GTF2F1: variants seen among roughly 807,000 people sequenced by gnomAD.
GTF2F1 encodes the protein general transcription factor IIF 74 kDa subunit.
In GTF2F1, 39 loss-of-function variants were observed where a neutral mutation model predicts 63.5. That is an observed-to-expected ratio of 0.61 (90% CI 0.48 to 0.80). GTF2F1 has a LOEUF of 0.80. Ranked by LOEUF, GTF2F1 falls within the 30% of genes least tolerant of loss-of-function variation. GTF2F1 has a pLI of 0.00. For missense variants in GTF2F1, 657 were observed against 718.3 expected (o/e 0.91, Z 0.97); for synonymous variants, 287 against 285.3 (o/e 1.01, Z -0.06).
At chr19:6,392,112 C>T in intron 2 of GTF2F1, 138 bp from the exon 3 acceptor site, 1 of 677,712 alleles carries the variant, frequency 1.5e-6, no homozygotes, top group Non-Finnish European at 2.7e-6. Flanking sequence ...TACTTTAATT[C>T]AATCACTCAA....
In GTF2F1 at chr19:6,381,235, C is replaced by T. The variant is rs200428042; in HGVS notation, c.1019-40G>A. 1,296 of 1,579,138 alleles carry T rather than the reference C, an allele frequency of 8.2e-4. 6 individuals are homozygous for T. The highest frequency in any genetic ancestry group is 1.9e-3 in the East Asian group (81 of 43,154). On this transcript the variant is annotated intron_variant, in intron 9 of 12. Transcript: ENST00000394456. This position sits in a 1 kb window ranked among gnomAD's most constrained non-coding sequence, Gnocchi z 4.1. ...AAAGGGGTCAGGGCCAGAGCAACCC[C>T]GGGACCCGGTGCCCACTGGTGCCTC...
Position 6,381,351 on chromosome 19 carries a change from C to T in GTF2F1, c.1018+8G>A, listed in dbSNP as rs770949500. On this transcript the variant is annotated splice_region_variant and intron_variant, in intron 9 of 12. Transcript: ENST00000394456. This position sits in a 1 kb window ranked among gnomAD's most constrained non-coding sequence, Gnocchi z 4.1. The stretch of plus-strand genomic sequence containing the variant: ...AAGCCTCCAATATGGGGGCCACATG[C>T]GCCGCACCTTTCCTGCGCTTCTTCT... The T allele has an allele frequency of 4.2e-5, 66 of 1,579,866 alleles. No homozygotes were observed. In the East Asian group the frequency reaches 5.1e-4, roughly 12 times the overall value.
In GTF2F1 at chr19:6,381,784, T is replaced by C. The variant is rs764182606; in HGVS notation, c.749A>G (p.Lys250Arg). The change falls in exon 7 of 13, where the codon AAG becomes AGG. Residue 250 changes from lysine to arginine, a missense_variant. Transcript: ENST00000394456. The surrounding 1 kb of genome is among the most constrained non-coding windows in gnomAD (Gnocchi z 4.1). ...LAKGGRKKKK[K>R]KGSDDEAFED... is the part of the protein sequence containing the mutation. ...GAAGGCCTCGTCGTCTGAACCCTTCTTCTTCTTCTTTTTCCTGCCGCCCTT... is the reference window on the plus strand; with the variant it reads ...GAAGGCCTCGTCGTCTGAACCCTTCCTCTTCTTCTTTTTCCTGCCGCCCTT... 1 of 1,614,094 alleles carries C rather than the reference T, an allele frequency of 6.2e-7. No homozygotes were observed. Among genetic ancestry groups the C allele is most frequent in the African/African-American group, 1.3e-5 (1 of 75,050 alleles).
chr19:6,382,899 G>A (rs1373772519), intron 6 of GTF2F1, among the ~76,000 whole-genome samples: 3 of 151,764 alleles, frequency 2.0e-5, no homozygotes, highest in Non-Finnish European at 4.4e-5. Context: ...GGCCTCGCCT[G>A]ACTCTCATTC....
At position 6,380,897 on chromosome 19, in the gene GTF2F1, C is replaced by G. The variant is rs1025982402; in HGVS notation, c.1231+7G>C. On this transcript the variant is annotated splice_region_variant and intron_variant, in intron 11 of 12. Coordinates refer to ENST00000394456, the MANE Select transcript of GTF2F1 (RefSeq NM_002096.3). This position sits in a 1 kb window ranked among gnomAD's most constrained non-coding sequence, Gnocchi z 5.3. ...CTGTGGGGAGCGGGGAGGCCACGGG[C>G]ACTCACCTTGCTCGAGTTTGCTGGC... is the stretch of plus-strand genomic sequence containing the variant. 2 of 1,551,388 alleles carry G rather than the reference C, an allele frequency of 1.3e-6. No individual in the cohort carries two copies. The highest frequency in any genetic ancestry group is 3.8e-5 in the Admixed American group (2 of 53,182).
In GTF2F1 at chr19:6,380,303, A is replaced by G. The variant is rs775638504; in HGVS notation, c.1532T>C (p.Met511Thr). 1 of 1,614,080 alleles carries G rather than the reference A, an allele frequency of 6.2e-7. No individual in the cohort carries two copies. Among genetic ancestry groups the G allele is most frequent in the East Asian group, 2.2e-5 (1 of 44,874 alleles). The change falls in exon 13 of 13, where the codon ATG (methionine) becomes ACG (threonine). Residue 511 changes from methionine to threonine, a missense_variant. Met to Thr is a moderately conservative substitution (Grantham distance 81). Around this residue, in one of 2 missense-constraint regions of GTF2F1, gnomAD observed 55 missense variants for 92.6 expected, o/e 0.59. Transcript: ENST00000394456. This position sits in a 1 kb window ranked among gnomAD's most constrained non-coding sequence, Gnocchi z 5.3. ...NPERKMINDK[M>T]HFSLKE is the part of the protein sequence containing the mutation. ...GCCTCACTCCTTGAGGGAGAAGTGC[A>G]TTTTGTCGTTGATCATCTTGCGCTC...
At position 6,380,496 on chromosome 19, in the gene GTF2F1, G is replaced by A; in HGVS notation, c.1350-11C>T. 1.9e-6 allele frequency: 3 copies of A among 1,613,876 alleles called. No homozygotes were observed. The highest frequency in any genetic ancestry group is 2.5e-6 in the Non-Finnish European group (3 of 1,179,802). On this transcript the variant is annotated splice_polypyrimidine_tract_variant and intron_variant, in intron 12 of 12. Transcript: ENST00000394456. This position sits in a 1 kb window ranked among gnomAD's most constrained non-coding sequence, Gnocchi z 5.3. Reference sequence around the variant, plus strand: ...GTCACCTGCACGTCGCTGAGGATGGGAGGACGGGGAAGGTGGCATCAGTGA... The same window carrying A: ...GTCACCTGCACGTCGCTGAGGATGGAAGGACGGGGAAGGTGGCATCAGTGA...
Position 6,383,219 on chromosome 19 carries a change from T to C in GTF2F1, c.682+92A>G. The C allele has an allele frequency of 1.5e-5, 21 of 1,370,638 alleles. No homozygotes were observed. In the South Asian group the frequency reaches 2.5e-4, roughly 16 times the overall value. The allele number at this position is 1,370,638 out of a possible 1,614,324, so 84.9% of individuals were successfully genotyped here. A position where few individuals can be genotyped will look rare whatever the true frequency, so the allele number is the denominator to read the frequency against. ...GCCCGGCCCCACTTGCCTCTCATTC[T>C]AGGGCCACTGTGAGCGATGGTAGAC... On this transcript the variant is annotated intron_variant, in intron 6 of 12. Coordinates refer to ENST00000394456, the MANE Select transcript of GTF2F1 (RefSeq NM_002096.3). This position sits in a 1 kb window ranked among gnomAD's most constrained non-coding sequence, Gnocchi z 4.5.
At position 6,381,022 on chromosome 19, in the gene GTF2F1, C is replaced by A; in HGVS notation, c.1113G>T (p.Lys371Asn). The A allele has an allele frequency of 6.2e-7, 1 of 1,612,020 alleles. No homozygotes were observed. Among genetic ancestry groups the A allele is most frequent in the Non-Finnish European group, 8.5e-7 (1 of 1,179,256 alleles). ...TCCCTCCCGACGGCTTCCGCTCTCT[C>A]TTGGGTGGCGTCTTCTTCTTCTGCA... is the stretch of plus-strand genomic sequence containing the variant. ...LFMAKKKTPP[K>N]RERKPSGGSS... Residue 371 changes from lysine to asparagine, a missense_variant, in exon 11 of 13, where the codon AAG becomes AAT. Coordinates refer to ENST00000394456, the MANE Select transcript of GTF2F1 (RefSeq NM_002096.3). The surrounding 1 kb of genome is among the most constrained non-coding windows in gnomAD (Gnocchi z 4.1).
chr19:6,383,032 G>T lies in GTF2F1; in HGVS notation c.682+279C>A, dbSNP rs1393789824. Among the ~76,000 whole-genome samples, 4 of 152,134 alleles carry T rather than the reference G, an allele frequency of 2.6e-5. No homozygotes were observed. The highest frequency in any genetic ancestry group is 2.0e-4 in the Admixed American group (3 of 15,252). ...TTCTCCTGCCTCAGTCTCCCGAGTA[G>T]CTGGCACTAGAGGCATGCACCACCA... On this transcript the variant is annotated intron_variant, in intron 6 of 12. Transcript: ENST00000394456. The surrounding 1 kb of genome is among the most constrained non-coding windows in gnomAD (Gnocchi z 4.5).
rs2091978533 is a variant in GTF2F1, at chr19:6,387,588, C to A, written c.327-29G>T. On this transcript the variant is annotated intron_variant, in intron 4 of 12. Transcript: ENST00000394456. ...CAGGGAGCCACGGTCATGGCCTGGC[C>A]CATAGGGACCAGCCCCAGCCCCCCC... is the stretch of plus-strand genomic sequence containing the variant. 3.1e-6 allele frequency: 5 copies of A among 1,600,840 alleles called. No individual in the cohort carries two copies. In the South Asian group the frequency reaches 4.4e-5, roughly 14 times the overall value.
Position 6,380,712 on chromosome 19 carries a change from TGA to T in GTF2F1, c.1232-24_1232-23del, listed in dbSNP as rs1421455391. The stretch of plus-strand genomic sequence containing the variant: ...TTCCCTGTGGGAGTGGGGTCAGGGC[TGA>T]GTCTTGCAGGCAGGAGGCAGAACCC... On this transcript the variant is annotated intron_variant, in intron 11 of 12. Coordinates refer to ENST00000394456, the MANE Select transcript of GTF2F1 (RefSeq NM_002096.3). This position sits in a 1 kb window ranked among gnomAD's most constrained non-coding sequence, Gnocchi z 5.3. The T allele has an allele frequency of 1.9e-6, 3 of 1,605,454 alleles. No homozygotes were observed. Among genetic ancestry groups the T allele is most frequent in the Non-Finnish European group, 8.5e-7 (1 of 1,178,190 alleles).
In GTF2F1 at chr19:6,383,194, G is replaced by T; in HGVS notation, c.682+117C>A. 1 of 1,084,150 alleles carries T rather than the reference G, an allele frequency of 9.2e-7. No individual in the cohort carries two copies. The highest frequency in any genetic ancestry group is 1.4e-6 in the Non-Finnish European group (1 of 734,988). The allele number at this position is 1,084,150 out of a possible 1,614,324, so 67.2% of individuals were successfully genotyped here. ...TGGGATGACAGGCGTGAGCCACTGT[G>T]CCCGGCCCCACTTGCCTCTCATTCT... On this transcript the variant is annotated intron_variant, in intron 6 of 12. Transcript: ENST00000394456. The surrounding 1 kb of genome is among the most constrained non-coding windows in gnomAD (Gnocchi z 4.5).
Position 6,380,189 on chromosome 19 carries a change from G to A in GTF2F1, c.*92C>T. ...AGAGCCTGAAGTTCTGGAGGGCAGA[G>A]CCATGTATTGGACAGAGCCTCACTC... On this transcript the variant is annotated 3_prime_UTR_variant, in exon 13 of 13. Coordinates refer to ENST00000394456, the MANE Select transcript of GTF2F1 (RefSeq NM_002096.3). The surrounding 1 kb of genome is among the most constrained non-coding windows in gnomAD (Gnocchi z 5.3). The A allele has an allele frequency of 9.3e-7, 1 of 1,069,846 alleles. No individual in the cohort carries two copies. The highest frequency in any genetic ancestry group is 1.5e-6 in the Non-Finnish European group (1 of 685,976). The allele number at this position is 1,069,846 out of a possible 1,614,324, so 66.3% of individuals were successfully genotyped here.
intron 3 of GTF2F1, among the ~76,000 whole-genome samples, chr19:6,390,743 G>T (rs2091993716): frequency 6.6e-6 from 1 of 151,388 alleles, no homozygotes; most frequent in South Asian, 2.1e-4. Flanking sequence ...AGCTAGGCGT[G>T]GTGGTGGGCG....
At chr19:6,391,452 T>TTG (rs1568332423) in intron 3 of GTF2F1, among the ~76,000 whole-genome samples, 3 of 137,192 alleles carry the variant, frequency 2.2e-5, no homozygotes, top group African/African-American at 5.8e-5. Flanking sequence ...TTTTTTTTTT[T>TTG]TTTTTTTTTT....
chr19:6,390,016 C>CT (rs2091990322), intron 3 of GTF2F1, among the ~76,000 whole-genome samples: 1 of 152,190 alleles, frequency 6.6e-6, no homozygotes, highest in African/African-American at 2.4e-5. Context: ...CAAAAAATGT[C>CT]TAAGTACCTA....
chr19:6,380,783 A>G lies in GTF2F1; in HGVS notation c.1232-93T>C. On this transcript the variant is annotated intron_variant, in intron 11 of 12. Coordinates refer to ENST00000394456, the MANE Select transcript of GTF2F1 (RefSeq NM_002096.3). The surrounding 1 kb of genome is among the most constrained non-coding windows in gnomAD (Gnocchi z 5.3). Reference sequence around the variant, plus strand: ...TGGGCAGTGCCAGGATTAGGGTTCAAGGGGATCAGGGAGAGACAGGCCTCC... The same window carrying G: ...TGGGCAGTGCCAGGATTAGGGTTCAGGGGGATCAGGGAGAGACAGGCCTCC... 6.5e-7 allele frequency: 1 copy of G among 1,535,902 alleles called. No individual in the cohort carries two copies. The highest frequency in any genetic ancestry group is 8.8e-7 in the Non-Finnish European group (1 of 1,132,562).
rs1364184340 is a variant in GTF2F1 at position 6,381,963 on chromosome 19, TGGGGAGACTACACCTCCA to T, written c.683-131_683-114del. Reference sequence around the variant, plus strand: ...TGACATCCTGGGGGGCCTCACTGACTGGGGAGACTACACCTCCAGGGCCAGCCCAGGAGCTCAGCTCTC... The same window carrying T: ...TGACATCCTGGGGGGCCTCACTGACTGGGCCAGCCCAGGAGCTCAGCTCTC... On this transcript the variant is annotated intron_variant, in intron 6 of 12. Transcript: ENST00000394456. The surrounding 1 kb of genome is among the most constrained non-coding windows in gnomAD (Gnocchi z 4.1). 1.2e-6 allele frequency: 1 copy of T among 866,266 alleles called. No individual in the cohort carries two copies. Among genetic ancestry groups the T allele is most frequent in the East Asian group, 2.6e-5 (1 of 38,232 alleles). 53.7% of individuals were successfully genotyped at this position (866,266 alleles called of 1,614,324 possible).
Sources: allele counts gnomAD v4.1 joint callset (sites outside exome capture counted in the v4.1 genomes callset), GRCh38; gene constraint gnomAD v4.1.1; regional missense constraint gnomAD v4.1.1; non-coding constraint Gnocchi (gnomAD v3.1); transcripts MANE v1.5; gene names NCBI Gene and HGNC (gene_info 2026-07-23, HGNC 2026-07-21).